The following CALCR variants were observed in gnomAD, a reference collection of about 807,000 sequenced individuals.
The protein encoded by CALCR is calcitonin receptor.
In CALCR, 47 loss-of-function variants were observed where a neutral mutation model predicts 59.5. That is an observed-to-expected ratio of 0.79 (90% CI 0.63 to 1.01). CALCR has a LOEUF of 1.01. Ranked by LOEUF, CALCR falls within the 50% of genes least tolerant of loss-of-function variation. The pLI is 0.00. For synonymous variants in CALCR, 213 were observed against 211.3 expected (o/e 1.01, Z -0.07); for missense variants, 566 against 597.1 (o/e 0.95, Z 0.54).
chr7:93,478,161 G>A (rs1374720611), intron 4 of CALCR, among the ~76,000 whole-genome samples: 1 of 151,690 alleles, frequency 6.6e-6, no homozygotes, highest in East Asian at 2.0e-4. Context: ...TGGCTTCAAC[G>A]AAATTGTTTC....
chr7:93,538,499 G>A (rs1176400587), intron 2 of CALCR, among the ~76,000 whole-genome samples: 1 of 151,970 alleles, frequency 6.6e-6, no homozygotes, highest in Non-Finnish European at 1.5e-5. Context: ...CTTCCCTCAG[G>A]TTGGGGCTTC....
At chr7:93,471,627 G>A (rs1281628312) in intron 6 of CALCR, among the ~76,000 whole-genome samples, 1 of 151,774 alleles carries the variant, frequency 6.6e-6, no homozygotes, top group African/African-American at 2.4e-5. Flanking sequence ...GAGTCAGCAG[G>A]GTTGCTTAGA....
At chr7:93,434,386 G>T in intron 12 of CALCR, 92 bp from the exon 13 acceptor site, 13 of 584,366 alleles carry the variant, frequency 2.2e-5, no homozygotes, top group East Asian at 3.6e-5. Flanking sequence ...GAGAAGGCCT[G>T]ATGAAAAAAA....
At chr7:93,567,647 C>T (rs1789896049) in intron 2 of CALCR, among the ~76,000 whole-genome samples, 1 of 152,002 alleles carries the variant, frequency 6.6e-6, no homozygotes, top group South Asian at 2.1e-4. Context: ...GTTTGCTGCA[C>T]TCATCAACTC....
chr7:93,470,459 C>T (rs1191010609), intron 6 of CALCR, among the ~76,000 whole-genome samples: 3 of 151,814 alleles, frequency 2.0e-5, no homozygotes, highest in African/African-American at 7.2e-5. Context: ...TTCTGTCGGT[C>T]TTTTAAAAAA....
chr7:93,467,355 A>C (rs879325783), intron 7 of CALCR, among the ~76,000 whole-genome samples: 12 of 151,682 alleles, frequency 7.9e-5, no homozygotes, highest in Non-Finnish European at 1.6e-4. Flanking sequence ...TTTGCTATCC[A>C]GTTAAAAATT....
chr7:93,550,629 A>ACACT (rs2116226495), intron 2 of CALCR, among the ~76,000 whole-genome samples: 2 of 147,084 alleles, frequency 1.4e-5, no homozygotes, highest in South Asian at 4.5e-4. Context: ...ACACACACAC[A>ACACT]CACACACACA....
At position 93,472,412 on chromosome 7, in the gene CALCR, T is replaced by C; in HGVS notation, c.392A>G (p.Tyr131Cys). Residue 131 changes from tyrosine (Y) to cysteine (C), a missense_variant, in exon 6 of 14, where the codon TAT becomes TGT. Coordinates refer to ENST00000426151, the MANE Select transcript of CALCR (RefSeq NM_001742.4). ...HPENNRTWSN[Y>C]TMCNAFTPEK... Reference sequence around the variant, plus strand: ...AGGAGTGAAAGCATTGCACATAGTATAGTTGGACCAGGTTCGATTGTTTTC... The same window carrying C: ...AGGAGTGAAAGCATTGCACATAGTACAGTTGGACCAGGTTCGATTGTTTTC... 4.3e-6 allele frequency: 7 copies of C among 1,609,900 alleles called. No homozygotes were observed. The highest frequency in any genetic ancestry group is 1.3e-5 in the African/African-American group (1 of 74,796).
intron 7 of CALCR, among the ~76,000 whole-genome samples, chr7:93,466,555 T>G (rs2237579): frequency 0.4 from 60,977 of 151,672 alleles, 12,974 homozygotes; most frequent in South Asian, 0.49. Context: ...TATGTGCTTT[T>G]CATATCTCAT....
chr7:93,468,882 T>C (rs1389131345), intron 6 of CALCR, 76 bp from the exon 7 acceptor site: 2 of 748,904 alleles, frequency 2.7e-6, no homozygotes, highest in Admixed American at 5.8e-5. Flanking sequence ...TATTTCTAAA[T>C]ATATGTAAAT....
At chr7:93,506,480 T>G (rs1459332325) in intron 2 of CALCR, among the ~76,000 whole-genome samples, 4 of 152,126 alleles carry the variant, frequency 2.6e-5, no homozygotes, top group Non-Finnish European at 4.4e-5. Context: ...TGTATTTCCT[T>G]AATGTCCTTC....
chr7:93,557,169 T>A (rs755290905), intron 2 of CALCR, among the ~76,000 whole-genome samples: 1 of 152,016 alleles, frequency 6.6e-6, no homozygotes, highest in South Asian at 2.1e-4. Context: ...GCCTCTTTCT[T>A]GCTAGATGAC....
At chr7:93,566,534 A>T (rs907743222) in intron 2 of CALCR, among the ~76,000 whole-genome samples, 2 of 152,182 alleles carry the variant, frequency 1.3e-5, no homozygotes, top group African/African-American at 4.8e-5. Context: ...GAAACGTCTA[A>T]GTCGCCTTCA....
intron 9 of CALCR, among the ~76,000 whole-genome samples, chr7:93,441,003 C>A (rs1396287807): frequency 6.6e-6 from 1 of 152,172 alleles, no homozygotes; most frequent in East Asian, 1.9e-4. Context: ...AGCTGAGCAG[C>A]TTGTTCCTTT....
At chr7:93,458,323 T>C (rs2115793432) in intron 8 of CALCR, among the ~76,000 whole-genome samples, 1 of 152,236 alleles carries the variant, frequency 6.6e-6, no homozygotes, top group South Asian at 2.1e-4. Flanking sequence ...TTTTAGTTAT[T>C]GGGTTGGCAG....
At chr7:93,477,976 A>ATAAAAAAAT (rs1396444178) in intron 4 of CALCR, among the ~76,000 whole-genome samples, 34 of 149,120 alleles carry the variant, frequency 2.3e-4, no homozygotes, top group African/African-American at 7.8e-4. Context: ...AAAAAAAAAA[A>ATAAAAAAAT]AAAAAAAAAA....
At chr7:93,492,727 G>A (rs1244434822) in intron 2 of CALCR, among the ~76,000 whole-genome samples, 1 of 151,274 alleles carries the variant, frequency 6.6e-6, no homozygotes, top group African/African-American at 2.4e-5. Flanking sequence ...AATGCAGACT[G>A]GGTGAAAGGT....
chr7:93,433,469 A>G (rs922079114), intron 13 of CALCR, among the ~76,000 whole-genome samples: 1 of 152,120 alleles, frequency 6.6e-6, no homozygotes, highest in Non-Finnish European at 1.5e-5. Flanking sequence ...AAAAACAGGA[A>G]ATCTGTGTTC....
intron 2 of CALCR, among the ~76,000 whole-genome samples, chr7:93,487,477 T>C (rs779851806): frequency 2.0e-5 from 3 of 151,436 alleles, no homozygotes; most frequent in Non-Finnish European, 4.4e-5. Flanking sequence ...ATTTAAAGCT[T>C]TGAGTAATTT....
Sources: gnomAD v4.1 joint callset for allele counts (sites outside exome capture counted in the v4.1 genomes callset) on GRCh38, gnomAD v4.1.1 for gene constraint, MANE v1.5 for transcripts, NCBI Gene and HGNC (gene_info 2026-07-23, HGNC 2026-07-21) for gene names.